Variants in IL1RAPL1 observed in about 807,000 individuals in gnomAD.
IL1RAPL1 encodes the protein interleukin-1 receptor accessory protein-like 1.
In IL1RAPL1, 3 loss-of-function variants were observed where a neutral mutation model predicts 48.4. The observed-to-expected ratio is 0.06, with a 90% CI of 0.03 to 0.16. The LOEUF (loss-of-function observed/expected upper bound fraction) is 0.16. IL1RAPL1 is among the 10% of genes least tolerant of loss of function. IL1RAPL1 has a pLI of 1.00. For missense variants in IL1RAPL1, 349 were observed against 530.6 expected (o/e 0.66, Z 3.36); for synonymous variants, 185 against 187.7 (o/e 0.99, Z 0.12).
rs779302152 is a variant in IL1RAPL1 at position 29,863,765 on chromosome X, C to T, written c.779-53699C>T. On this transcript the variant is annotated intron_variant, in intron 6 of 10. Coordinates refer to ENST00000378993, the MANE Select transcript of IL1RAPL1 (RefSeq NM_014271.4). ...AGAGAATTACCTGAAGGACTTGTTTCTGGGCTCCACACATACAACTTTTTT... is the reference window on the plus strand; with the variant it reads ...AGAGAATTACCTGAAGGACTTGTTTTTGGGCTCCACACATACAACTTTTTT... Among the ~76,000 whole-genome samples, 4 of 110,824 alleles carry T rather than the reference C, an allele frequency of 3.6e-5. No individual in the cohort carries two copies. The South Asian group carries it at 1.5e-3, about 42-fold the overall frequency.
chrX:29,570,240 A>G (rs966272791), intron 5 of IL1RAPL1, among the ~76,000 whole-genome samples: 1 of 112,597 alleles, frequency 8.9e-6, no homozygotes, highest in African/African-American at 3.2e-5. Flanking sequence ...ATAGCTGAGA[A>G]TTGTTCGTAC....
At chrX:29,253,094 CAAG>C (rs1403204649) in intron 2 of IL1RAPL1, among the ~76,000 whole-genome samples, 3 of 110,351 alleles carry the variant, frequency 2.7e-5, no homozygotes, top group African/African-American at 9.9e-5. Flanking sequence ...TCAAAAATGA[CAAG>C]AAAGTGAAAT....
chrX:29,886,768 T>C (rs1261211844), intron 6 of IL1RAPL1, among the ~76,000 whole-genome samples: 1 of 111,995 alleles, frequency 8.9e-6, no homozygotes, highest in African/African-American at 3.2e-5. Flanking sequence ...GGAGTAGCTC[T>C]AATAGGACCT....
chrX:28,608,621 T>C (rs1934112283), intron 1 of IL1RAPL1, among the ~76,000 whole-genome samples: 1 of 111,887 alleles, frequency 8.9e-6, no homozygotes, highest in African/African-American at 3.2e-5. Context: ...GCATGAGATT[T>C]GGGTAGCTGC....
intron 2 of IL1RAPL1, among the ~76,000 whole-genome samples, chrX:29,131,538 G>A (rs1929022975): frequency 9.0e-6 from 1 of 110,932 alleles, no homozygotes; most frequent in South Asian, 3.8e-4. Flanking sequence ...CATTTAACCA[G>A]TAATGCACCA....
intron 2 of IL1RAPL1, among the ~76,000 whole-genome samples, chrX:29,132,652 T>C (rs1462900373): frequency 8.9e-6 from 1 of 111,869 alleles, no homozygotes; most frequent in Admixed American, 9.5e-5. Flanking sequence ...GGTGTGCTTC[T>C]GGAGAAATGG....
intron 3 of IL1RAPL1, among the ~76,000 whole-genome samples, chrX:29,332,648 ATTTTATTTTTTT>A (rs1209670772): frequency 3.6e-4 from 26 of 72,926 alleles, no homozygotes; most frequent in African/African-American, 1.4e-3. Flanking sequence ...TTATTTATTT[ATTTTATTTTTTT>A]TTTTTTATTG....
chrX:29,122,453 C>CA (rs1928813930), intron 2 of IL1RAPL1, among the ~76,000 whole-genome samples: 1 of 64,204 alleles, frequency 1.6e-5, no homozygotes, highest in African/African-American at 7.2e-5. Flanking sequence ...ACACACTCGC[C>CA]CCCCCCACCC....
intron 2 of IL1RAPL1, among the ~76,000 whole-genome samples, chrX:29,005,836 T>G (rs1033041467): frequency 3.6e-5 from 4 of 112,232 alleles, no homozygotes; most frequent in Non-Finnish European, 7.5e-5. Flanking sequence ...AATATTCATG[T>G]GTCTTGACAT....
At chrX:29,927,443 C>T (rs1014194665) in intron 8 of IL1RAPL1, among the ~76,000 whole-genome samples, 19 of 111,673 alleles carry the variant, frequency 1.7e-4, no homozygotes, top group African/African-American at 5.9e-4. Context: ...TCATTGCCCT[C>T]ACACTCTACT....
At chrX:28,760,563 A>C (rs73630082) in intron 1 of IL1RAPL1, among the ~76,000 whole-genome samples, 3,481 of 111,888 alleles carry the variant, frequency 0.031, 143 homozygotes, top group African/African-American at 0.11. Flanking sequence ...AGTAATATAG[A>C]AACTTTGCAG....
chrX:29,882,598 G>A (rs1464656459), intron 6 of IL1RAPL1, among the ~76,000 whole-genome samples: 4 of 111,389 alleles, frequency 3.6e-5, no homozygotes, highest in Non-Finnish European at 7.5e-5. Flanking sequence ...ATAGTATAAA[G>A]GTGGACCTAT....
chrX:29,586,968 C>G (rs1923189722), intron 5 of IL1RAPL1, among the ~76,000 whole-genome samples: 2 of 75,970 alleles, frequency 2.6e-5, no homozygotes, highest in Admixed American at 2.5e-4. Context: ...TTGTCATTTG[C>G]TAATGGGAAC....
chrX:29,669,559 C>T (rs973383675), intron 6 of IL1RAPL1, among the ~76,000 whole-genome samples: 1 of 111,298 alleles, frequency 9.0e-6, no homozygotes, highest in Middle Eastern at 4.2e-3. Context: ...AGTTATAGTA[C>T]ACAAAGATAT....
intron 2 of IL1RAPL1, among the ~76,000 whole-genome samples, chrX:29,102,589 C>T (rs1005580633): frequency 6.4e-5 from 7 of 109,357 alleles, no homozygotes; most frequent in Admixed American, 4.9e-4. Flanking sequence ...TCGCTTGAAC[C>T]CAGGAGGCAG....
At chrX:28,631,300 A>G (rs1212827001) in intron 1 of IL1RAPL1, among the ~76,000 whole-genome samples, 2 of 111,871 alleles carry the variant, frequency 1.8e-5, no homozygotes, top group Non-Finnish European at 3.8e-5. Flanking sequence ...AATAAATAGT[A>G]TAGGTGAGGA....
chrX:29,613,744 T>C lies in IL1RAPL1; in HGVS notation c.704-54686T>C, dbSNP rs868227791. ...GTGTGTGTGTGTGTGTGTGTGTGTG[T>C]GTGTGTGTGTGTGTTTCTTTTTTTT... On this transcript the variant is annotated intron_variant, in intron 5 of 10. Transcript: ENST00000378993. Among the ~76,000 whole-genome samples, 317 of 98,145 alleles carry C rather than the reference T, an allele frequency of 3.2e-3. 2 individuals are homozygous for C. The highest frequency in any genetic ancestry group is 0.012 in the African/African-American group (305 of 26,194). 85.2% of individuals were successfully genotyped at this position (98,145 alleles called of 115,157 possible).
intron 2 of IL1RAPL1, among the ~76,000 whole-genome samples, chrX:28,830,992 T>TTTTCTCTCTCTC (rs1350258890): frequency 6.2e-5 from 1 of 16,069 alleles, no homozygotes; most frequent in Admixed American, 8.2e-4. Context: ...TGCCCAGGGT[T>TTTTCTCTCTCTC]TCTCTCTCTC....
rs6630913 is a variant in IL1RAPL1 at position 29,590,039 on chromosome X, C to T, written c.704-78391C>T. Among the ~76,000 whole-genome samples, 242 of 111,236 alleles carry T rather than the reference C, an allele frequency of 2.2e-3. 5 individuals carry two copies. The East Asian group carries it at 0.056, about 26-fold the overall frequency. On this transcript the variant is annotated intron_variant, in intron 5 of 10. Coordinates refer to ENST00000378993, the MANE Select transcript of IL1RAPL1 (RefSeq NM_014271.4). ...GGTGCCTGGTTTTACATTAATATAA[C>T]TTACCGGGCATCAACAACTTCTGAG...
Sources: allele counts gnomAD v4.1 joint callset (sites outside exome capture counted in the v4.1 genomes callset), GRCh38; gene constraint gnomAD v4.1.1; transcripts MANE v1.5; gene names NCBI Gene and HGNC (gene_info 2026-07-23, HGNC 2026-07-21).